The following CTNND2 variants were observed in gnomAD, a reference collection of about 807,000 sequenced individuals.
CTNND2 encodes catenin delta-2.
Under a neutral mutation model 144.4 loss-of-function variants are expected in CTNND2, and 22 were observed. The ratio of observed to expected loss-of-function variants is 0.15; its 90% CI spans 0.11 to 0.22. The LOEUF is 0.22. Ranked by LOEUF, CTNND2 falls within the 10% of genes least tolerant of loss-of-function variation. The pLI is 1.00. For synonymous variants in CTNND2, 751 were observed against 695.6 expected (o/e 1.08, Z -1.25); for missense variants, 1,353 against 1,618.8 (o/e 0.84, Z 2.82).
intron 2 of CTNND2, among the ~76,000 whole-genome samples, chr5:11,638,006 G>C (rs896032743): frequency 3.3e-5 from 5 of 152,082 alleles, no homozygotes; most frequent in African/African-American, 4.8e-5. Flanking sequence ...GATTTTAATG[G>C]GAAAAGATAA....
chr5:11,515,149 G>A (rs981768934), intron 3 of CTNND2, among the ~76,000 whole-genome samples: 9 of 151,180 alleles, frequency 6.0e-5, no homozygotes, highest in Non-Finnish European at 1.0e-4. Flanking sequence ...TGAATGGGAG[G>A]TGCTTTTCTC....
intron 1 of CTNND2, among the ~76,000 whole-genome samples, chr5:11,879,163 A>T (rs1018248073): frequency 3.3e-5 from 5 of 151,814 alleles, no homozygotes; most frequent in Non-Finnish European, 7.4e-5. Flanking sequence ...AGATGTGTCT[A>T]TGAAAGGAGA....
intron 8 of CTNND2, among the ~76,000 whole-genome samples, chr5:11,352,791 T>C (rs1444064251): frequency 6.6e-6 from 1 of 152,310 alleles, no homozygotes; most frequent in East Asian, 1.9e-4. Context: ...TGCTCATTCA[T>C]TGGCAATAGC....
chr5:11,512,235 T>C (rs1415465329), intron 3 of CTNND2, among the ~76,000 whole-genome samples: 1 of 152,200 alleles, frequency 6.6e-6, no homozygotes, highest in Non-Finnish European at 1.5e-5. Context: ...CTCCACAATA[T>C]TCATTTTGAA....
At chr5:11,817,425 GAGAGA>G (rs1248812198) in intron 1 of CTNND2, among the ~76,000 whole-genome samples, 1 of 1,326 alleles carries the variant, frequency 7.5e-4, no homozygotes, top group African/African-American at 9.9e-4. Flanking sequence ...GAGAGAGAGA[GAGAGA>G]GAGAGAGAGA....
intron 9 of CTNND2, among the ~76,000 whole-genome samples, chr5:11,305,427 C>T (rs1033206805): frequency 3.9e-5 from 6 of 152,192 alleles, no homozygotes; most frequent in African/African-American, 1.4e-4. Context: ...ACTGGATTAG[C>T]CTCTTAGTGT....
intron 11 of CTNND2, among the ~76,000 whole-genome samples, chr5:11,183,183 T>G (rs1359637577): frequency 6.6e-6 from 1 of 152,236 alleles, no homozygotes; most frequent in South Asian, 2.1e-4. Flanking sequence ...ACTAAGTTAA[T>G]AGCAAGGGCA....
intron 2 of CTNND2, among the ~76,000 whole-genome samples, chr5:11,616,509 T>G (rs983158856): frequency 6.6e-6 from 1 of 152,084 alleles, no homozygotes; most frequent in African/African-American, 2.4e-5. Flanking sequence ...TTTCTACCTG[T>G]TTTTCCTTCC....
chr5:11,821,625 T>A (rs1054103092), intron 1 of CTNND2, among the ~76,000 whole-genome samples: 1 of 152,204 alleles, frequency 6.6e-6, no homozygotes, highest in South Asian at 2.1e-4. Flanking sequence ...CTGTTCTAAC[T>A]GCCCAGTCTT....
intron 9 of CTNND2, among the ~76,000 whole-genome samples, chr5:11,255,918 C>T (rs1416072541): frequency 1.3e-5 from 2 of 152,140 alleles, no homozygotes; most frequent in Non-Finnish European, 2.9e-5. Flanking sequence ...TGCACAACTC[C>T]GTCCCTGTGA....
intron 2 of CTNND2, among the ~76,000 whole-genome samples, chr5:11,686,825 A>G (rs1489266851): frequency 6.7e-6 from 1 of 148,344 alleles, no homozygotes; most frequent in Non-Finnish European, 1.5e-5. Context: ...TATATACTAT[A>G]TGTATCTAAT....
intron 10 of CTNND2, among the ~76,000 whole-genome samples, chr5:11,219,076 A>G (rs1399791690): frequency 6.6e-6 from 1 of 152,196 alleles, no homozygotes; most frequent in Admixed American, 6.5e-5. Flanking sequence ...ATGGCCAGGT[A>G]TAATTACACT....
chr5:11,262,119 G>A (rs144090208), intron 9 of CTNND2, among the ~76,000 whole-genome samples: 2 of 152,148 alleles, frequency 1.3e-5, no homozygotes, highest in South Asian at 2.1e-4. Flanking sequence ...CAATCGAGAC[G>A]TAAGTTGTTT....
chr5:11,540,407 A>T (rs543550816), intron 3 of CTNND2, among the ~76,000 whole-genome samples: 1 of 152,248 alleles, frequency 6.6e-6, no homozygotes, highest in South Asian at 2.1e-4. Flanking sequence ...GTGAGTACTT[A>T]ATCATTTTTT....
chr5:11,332,189 C>T (rs975544937), intron 9 of CTNND2, among the ~76,000 whole-genome samples: 7 of 151,074 alleles, frequency 4.6e-5, no homozygotes, highest in South Asian at 4.2e-4. Context: ...GCAGGAGAAT[C>T]GCTTGAACCT....
intron 8 of CTNND2, among the ~76,000 whole-genome samples, chr5:11,352,328 G>A (rs1314391586): frequency 6.6e-6 from 1 of 152,174 alleles, no homozygotes; most frequent in Non-Finnish European, 1.5e-5. Flanking sequence ...AGATATATTT[G>A]AAAGCGAATA....
At position 11,364,934 on chromosome 5, in the gene CTNND2, CAA is replaced by C. The variant is rs775499920; in HGVS notation, c.1178-46_1178-45del. On this transcript the variant is annotated intron_variant, in intron 7 of 21. Transcript: ENST00000304623. Reference sequence around the variant, plus strand: ...GGGACATCAAAGCTCAGGCGACCTCCAAACAGAACTTGTTTAATCAAAGACAT... The same window carrying C: ...GGGACATCAAAGCTCAGGCGACCTCCACAGAACTTGTTTAATCAAAGACAT... 4 of 1,518,414 alleles carry C rather than the reference CAA, an allele frequency of 2.6e-6. No individual in the cohort carries two copies. The African/African-American group carries it at 4.2e-5, about 16-fold the overall frequency. The allele number at this position is 1,518,414 out of a possible 1,614,324, so 94.1% of individuals were successfully genotyped here. A position where few individuals can be genotyped will look rare whatever the true frequency, so the allele number is the denominator to read the frequency against.
chr5:11,166,322 C>A (rs1037425812), intron 11 of CTNND2, among the ~76,000 whole-genome samples: 4 of 143,214 alleles, frequency 2.8e-5, no homozygotes, highest in Admixed American at 1.4e-4. Flanking sequence ...GATCTCGGCT[C>A]ACTGCAAGCT....
chr5:11,865,439 A>G (rs1188912874), intron 1 of CTNND2, among the ~76,000 whole-genome samples: 1 of 152,194 alleles, frequency 6.6e-6, no homozygotes, highest in Non-Finnish European at 1.5e-5. Context: ...AGAAGGGAAA[A>G]GAGAAAAAGG....
Sources: allele counts gnomAD v4.1 joint callset (sites outside exome capture counted in the v4.1 genomes callset), GRCh38; gene constraint gnomAD v4.1.1; transcripts MANE v1.5; gene names NCBI Gene and HGNC (gene_info 2026-07-23, HGNC 2026-07-21).